PLXNA2: variants seen among roughly 807,000 people sequenced by gnomAD.
The protein encoded by PLXNA2 is plexin A2, also known as plexin-A2.
PLXNA2 carries 91 observed loss-of-function variants against 193.5 expected under a neutral mutation model. The observed-to-expected ratio is 0.47, with a 90% CI of 0.40 to 0.56. The LOEUF is 0.56. Ranked by LOEUF, PLXNA2 falls within the 20% of genes least tolerant of loss-of-function variation. The pLI is 0.00. For missense variants in PLXNA2, 1,995 were observed against 2,503.2 expected, an observed-to-expected ratio of 0.80 and a Z score of 4.33; for synonymous variants, 997 against 1,027.3, an observed-to-expected ratio of 0.97 and a Z score of 0.56.
At chr1:208,192,324 G>GTT (rs1346753781) in intron 3 of PLXNA2, among the ~76,000 whole-genome samples, 3 of 151,946 alleles carry the variant, frequency 2.0e-5, no homozygotes, top group Non-Finnish European at 4.4e-5. Context: ...GTGTGTGTGT[G>GTT]TGTGTGTGCA....
intron 3 of PLXNA2, among the ~76,000 whole-genome samples, chr1:208,147,659 A>G (rs1340479954): frequency 6.6e-6 from 1 of 152,240 alleles, no homozygotes; most frequent in African/African-American, 2.4e-5. Flanking sequence ...TCAGAGGCAC[A>G]GGAGAGTTAG....
At chr1:208,070,012 G>A (rs1392047827) in intron 12 of PLXNA2, among the ~76,000 whole-genome samples, 2 of 152,224 alleles carry the variant, frequency 1.3e-5, no homozygotes, top group Admixed American at 1.3e-4. Context: ...ACTTCTTGAA[G>A]GTTCCACAGT....
At position 208,026,094 on chromosome 1, in the gene PLXNA2, T is replaced by C. The variant is rs1472709543; in HGVS notation, c.*1149A>G. The C allele has an allele frequency of 6.5e-6, 1 of 152,672 alleles. No homozygotes were observed. Among genetic ancestry groups the C allele is most frequent in the African/African-American group, 2.4e-5 (1 of 41,456 alleles). The allele number at this position is 152,672 out of a possible 1,614,324, so 9.5% of individuals were successfully genotyped here. A position where few individuals can be genotyped will look rare whatever the true frequency, so the allele number is the denominator to read the frequency against. On this transcript the variant is annotated 3_prime_UTR_variant, in exon 32 of 32. Coordinates refer to ENST00000367033, the MANE Select transcript of PLXNA2 (RefSeq NM_025179.4). ...TGCTGTAAACAGTGTTTGATTTTTG[T>C]TTTCTTTTTAATTGCCAGGGACCAC... is the stretch of plus-strand genomic sequence containing the variant.
intron 4 of PLXNA2, among the ~76,000 whole-genome samples, chr1:208,116,892 C>T (rs72740705): frequency 0.064 from 9,747 of 152,202 alleles, 412 homozygotes; most frequent in Middle Eastern, 0.15. Flanking sequence ...ATTAAAGGGG[C>T]CAGGCAAGGT....
Position 208,026,653 on chromosome 1 carries a change from T to TC in PLXNA2, c.*589_*590insG, listed in dbSNP as rs58631044. 48,196 of 91,292 alleles carry TC rather than the reference T, an allele frequency of 0.53. 9,758 individuals carry two copies. Among genetic ancestry groups the TC allele is most frequent in the Non-Finnish European group, 0.6 (30,740 of 50,920 alleles). 5.7% of individuals were successfully genotyped at this position (91,292 alleles called of 1,614,324 possible). On this transcript the variant is annotated 3_prime_UTR_variant, in exon 32 of 32. Transcript: ENST00000367033. ...CATCATTCTTCTTCTCCTCTTTCTC[T>TC]TTTTTTTTTTTTTTTTAATTTCAAG...
intron 1 of PLXNA2, among the ~76,000 whole-genome samples, chr1:208,237,266 G>T (rs1293743036): frequency 6.6e-6 from 1 of 152,184 alleles, no homozygotes; most frequent in Non-Finnish European, 1.5e-5. Context: ...CCAAGGTGTA[G>T]GGATAAAATC....
chr1:208,221,326 G>A (rs928364438), intron 1 of PLXNA2, among the ~76,000 whole-genome samples: 1 of 148,198 alleles, frequency 6.7e-6, no homozygotes, highest in Non-Finnish European at 1.5e-5. Context: ...AGCAGCTGAG[G>A]TTTTTTGCTC....
chr1:208,031,303 AG>A (rs1664494769), intron 29 of PLXNA2: 9 of 1,245,766 alleles, frequency 7.2e-6, no homozygotes, highest in Non-Finnish European at 9.1e-6. Context: ...TCTCAGAGCC[AG>A]GGGAGGAGGC....
At position 208,134,764 on chromosome 1, in the gene PLXNA2, C is replaced by T. The variant is rs190933449; in HGVS notation, c.1506+7565G>A. ...CTGCCTGCACCCTGGGAAGCCTTATCGCCTGGACTAAACAAATGTGCACAA... is the reference window on the plus strand; with the variant it reads ...CTGCCTGCACCCTGGGAAGCCTTATTGCCTGGACTAAACAAATGTGCACAA... On this transcript the variant is annotated intron_variant, in intron 4 of 31. Transcript: ENST00000367033. 2.3e-3 allele frequency among the ~76,000 whole-genome samples: 356 copies of T among 152,260 alleles called. 3 individuals are homozygous for T. The highest frequency in any genetic ancestry group is 3.9e-3 in the South Asian group (19 of 4,822).
chr1:208,132,394 G>T (rs1006353978), intron 4 of PLXNA2, among the ~76,000 whole-genome samples: 1 of 152,196 alleles, frequency 6.6e-6, no homozygotes, highest in Admixed American at 6.5e-5. Context: ...AGCTGAAGAG[G>T]TGTGGATTTG....
chr1:208,086,979 C>CTCTG (rs1491364667), intron 9 of PLXNA2, among the ~76,000 whole-genome samples: 14 of 65,490 alleles, frequency 2.1e-4, no homozygotes, highest in East Asian at 1.4e-3. Flanking sequence ...CTCTCTCTCT[C>CTCTG]TGTGTGTGTG....
chr1:208,028,772 A>G lies in PLXNA2; in HGVS notation c.5438+58T>C. ...TGAGTCCTTAGTCAGTGATGACTAT[A>G]GAGCGGGGAATGGGCAGGGAGACAA... On this transcript the variant is annotated intron_variant, in intron 30 of 31. Coordinates refer to ENST00000367033, the MANE Select transcript of PLXNA2 (RefSeq NM_025179.4). This position sits in a 1 kb window ranked among gnomAD's most constrained non-coding sequence, Gnocchi z 4.2. 1 of 1,490,962 alleles carries G rather than the reference A, an allele frequency of 6.7e-7. No individual in the cohort carries two copies. The highest frequency in any genetic ancestry group is 9.3e-7 in the Non-Finnish European group (1 of 1,079,624). 92.4% of individuals were successfully genotyped at this position (1,490,962 alleles called of 1,614,324 possible). A position where few individuals can be genotyped will look rare whatever the true frequency, so the allele number is the denominator to read the frequency against.
chr1:208,221,430 C>T (rs1671334503), intron 1 of PLXNA2, among the ~76,000 whole-genome samples: 1 of 130,346 alleles, frequency 7.7e-6, no homozygotes, highest in Non-Finnish European at 1.6e-5. Context: ...TCTAAACAGA[C>T]CACTCCAGCT....
chr1:208,190,988 G>A (rs1670160409), intron 3 of PLXNA2, among the ~76,000 whole-genome samples: 1 of 152,214 alleles, frequency 6.6e-6, no homozygotes. Flanking sequence ...CATCTGCTGG[G>A]ATTTGCAGGT....
chr1:208,238,549 G>A (rs887595638), intron 1 of PLXNA2, among the ~76,000 whole-genome samples: 6 of 152,118 alleles, frequency 3.9e-5, no homozygotes, highest in Admixed American at 1.3e-4. Context: ...CCATGCCCCT[G>A]TTAGGCAGTT....
At chr1:208,227,805 T>C (rs916724924) in intron 1 of PLXNA2, among the ~76,000 whole-genome samples, 2 of 152,176 alleles carry the variant, frequency 1.3e-5, no homozygotes, top group Non-Finnish European at 2.9e-5. Flanking sequence ...CAGTCTTCAC[T>C]GTACAAGGGA....
At chr1:208,144,020 C>T (rs939757511) in intron 3 of PLXNA2, among the ~76,000 whole-genome samples, 5 of 152,176 alleles carry the variant, frequency 3.3e-5, no homozygotes, top group African/African-American at 1.2e-4. Flanking sequence ...ATCCTAGACT[C>T]CTTAGGGCTG....
intron 1 of PLXNA2, among the ~76,000 whole-genome samples, chr1:208,241,316 G>A (rs1347793393): frequency 3.3e-5 from 5 of 152,242 alleles, no homozygotes; most frequent in Non-Finnish European, 7.3e-5. Flanking sequence ...ATGGTCAAGA[G>A]AGTTGCAGGG....
intron 8 of PLXNA2, among the ~76,000 whole-genome samples, chr1:208,094,372 A>G (rs566168920): frequency 6.6e-6 from 1 of 152,330 alleles, no homozygotes; most frequent in South Asian, 2.1e-4. Flanking sequence ...GAATTCCAGT[A>G]GAGAAGGGCA....
Sources: gnomAD v4.1 joint callset for allele counts (sites outside exome capture counted in the v4.1 genomes callset) on GRCh38, gnomAD v4.1.1 for gene constraint, Gnocchi (gnomAD v3.1) non-coding constraint, MANE v1.5 for transcripts, NCBI Gene and HGNC (gene_info 2026-07-23, HGNC 2026-07-21) for gene names.